URI1: variants seen among roughly 807,000 people sequenced by gnomAD.
URI1 encodes the protein URI1 prefoldin like chaperone.
In URI1, 39 loss-of-function variants were observed where a neutral mutation model predicts 60.2. The ratio of observed to expected loss-of-function variants is 0.65; its 90% CI spans 0.50 to 0.85. URI1 has a LOEUF of 0.85. Among genes scored for constraint, URI1 ranks in the 40% least tolerant of loss-of-function variants. URI1 has a pLI of 0.00. For missense variants in URI1, 691 were observed against 665.9 expected, an observed-to-expected ratio of 1.04 and a Z score of -0.42; for synonymous variants, 251 against 236.8, an observed-to-expected ratio of 1.06 and a Z score of -0.55.
chr19:29,995,410 A>G (rs2055799128), intron 4 of URI1, among the ~76,000 whole-genome samples: 1 of 150,998 alleles, frequency 6.6e-6, no homozygotes. Context: ...CCCATTTTTT[A>G]TTTGGGTTGT....
intron 1 of URI1, among the ~76,000 whole-genome samples, chr19:29,956,165 A>G (rs1399760157): frequency 6.7e-6 from 1 of 149,016 alleles, no homozygotes; most frequent in Non-Finnish European, 1.5e-5. Context: ...TTGTATTTTT[A>G]GTAGAGATGA....
At chr19:29,928,455 C>T (rs2054889406) in intron 1 of URI1, among the ~76,000 whole-genome samples, 1 of 152,160 alleles carries the variant, frequency 6.6e-6, no homozygotes, top group Non-Finnish European at 1.5e-5. Context: ...TTTCCACCAC[C>T]TCCCTTCACT....
At chr19:30,005,305 T>C (rs992198649) in intron 4 of URI1, 56 bp from the exon 5 acceptor site, 42 of 992,358 alleles carry the variant, frequency 4.2e-5, no homozygotes, top group Non-Finnish European at 6.2e-5. Flanking sequence ...GTTAAAATAT[T>C]CCTACAGGTC....
At chr19:29,970,464 T>C (rs1322548950) in intron 1 of URI1, among the ~76,000 whole-genome samples, 5 of 152,114 alleles carry the variant, frequency 3.3e-5, no homozygotes, top group African/African-American at 1.2e-4. Flanking sequence ...TGCATTTTTC[T>C]TTATTGTCTA....
intron 1 of URI1, among the ~76,000 whole-genome samples, chr19:29,945,506 G>T (rs538250651): frequency 6.6e-6 from 1 of 152,246 alleles, no homozygotes; most frequent in South Asian, 2.1e-4. Context: ...TGTAGTCAGC[G>T]GTTAGGATCA....
At chr19:30,014,481 GGATA>G (rs2056060669) in intron 10 of URI1, among the ~76,000 whole-genome samples, 1 of 152,186 alleles carries the variant, frequency 6.6e-6, no homozygotes, top group Admixed American at 6.5e-5. Flanking sequence ...GGCCATCATA[GGATA>G]GCTCATTCAT....
chr19:29,996,414 T>C (rs1295051327), intron 4 of URI1, among the ~76,000 whole-genome samples: 1 of 152,172 alleles, frequency 6.6e-6, no homozygotes, highest in African/African-American at 2.4e-5. Flanking sequence ...GCAGTTGATT[T>C]TTGTGTGTTG....
chr19:29,979,549 A>G (rs1599695899), intron 2 of URI1, among the ~76,000 whole-genome samples: 1 of 152,112 alleles, frequency 6.6e-6, no homozygotes, highest in African/African-American at 2.4e-5. Context: ...ATATATATCC[A>G]TTGCACTGTT....
intron 4 of URI1, among the ~76,000 whole-genome samples, chr19:29,986,911 GA>G (rs1367616853): frequency 6.6e-6 from 1 of 152,188 alleles, no homozygotes; most frequent in Non-Finnish European, 1.5e-5. Flanking sequence ...GACCAGGTGT[GA>G]AAAGGTGCTA....
At chr19:29,926,590 G>A (rs1202513528) in intron 1 of URI1, among the ~76,000 whole-genome samples, 1 of 152,156 alleles carries the variant, frequency 6.6e-6, no homozygotes, top group East Asian at 1.9e-4. Flanking sequence ...CCTTAGAAAT[G>A]TTCTGTTTCT....
At chr19:29,962,544 A>G (rs904096678) in intron 1 of URI1, among the ~76,000 whole-genome samples, 1 of 151,266 alleles carries the variant, frequency 6.6e-6, no homozygotes, top group African/African-American at 2.4e-5. Context: ...TTTAAACACC[A>G]CAACACTGTA....
intron 4 of URI1, among the ~76,000 whole-genome samples, chr19:29,990,442 A>G (rs1282665039): frequency 6.6e-6 from 1 of 152,240 alleles, no homozygotes; most frequent in Non-Finnish European, 1.5e-5. Context: ...AAATACTTGT[A>G]CATGAATATT....
intron 1 of URI1, among the ~76,000 whole-genome samples, chr19:29,948,502 A>G (rs1245987963): frequency 6.6e-6 from 1 of 152,164 alleles, no homozygotes; most frequent in African/African-American, 2.4e-5. Flanking sequence ...TGAAAAGAGT[A>G]TATTTGTTCT....
At chr19:29,995,813 A>G (rs1388953089) in intron 4 of URI1, among the ~76,000 whole-genome samples, 4 of 151,294 alleles carry the variant, frequency 2.6e-5, no homozygotes, top group Admixed American at 2.6e-4. Context: ...GTCCAACTTT[A>G]TTCTTTTGCA....
exon 1 of URI1, chr19:29,923,717 G>T: frequency 6.5e-7 from 1 of 1,536,694 alleles, no homozygotes; most frequent in South Asian, 1.2e-5. Flanking sequence ...TCCCTTCAAG[G>T]AAGCCACGTT....
At chr19:29,973,106 C>T (rs2055479043) in intron 2 of URI1, among the ~76,000 whole-genome samples, 1 of 151,990 alleles carries the variant, frequency 6.6e-6, no homozygotes, top group South Asian at 2.1e-4. Flanking sequence ...GTCACCATTT[C>T]CCTGAAAGCA....
chr19:29,986,559 A>G, intron 4 of URI1, 142 bp downstream of exon 4: 1 of 1,062,444 alleles, frequency 9.4e-7, no homozygotes, highest in East Asian at 3.0e-5. Context: ...AATTGTAGGT[A>G]GTTTGAGTAG....
chr19:29,929,925 C>G (rs947374253), intron 1 of URI1, among the ~76,000 whole-genome samples: 1 of 150,868 alleles, frequency 6.6e-6, no homozygotes, highest in Admixed American at 6.6e-5. Flanking sequence ...TCTTTTCACT[C>G]TCTTGACAGT....
intron 1 of URI1, 140 bp from the exon 2 acceptor site, chr19:29,971,053 T>A: frequency 1.3e-6 from 1 of 774,064 alleles, no homozygotes; most frequent in East Asian, 2.7e-5. Flanking sequence ...TTCACATCTC[T>A]GTGCATTTGA....
Sources: gnomAD v4.1 joint callset for allele counts (sites outside exome capture counted in the v4.1 genomes callset) on GRCh38, gnomAD v4.1.1 for gene constraint, MANE v1.5 for transcripts, NCBI Gene and HGNC (gene_info 2026-07-23, HGNC 2026-07-21) for gene names.